Variants in ZNHIT1 observed in about 807,000 individuals in gnomAD.
The protein encoded by ZNHIT1 is zinc finger HIT-type containing 1.
Under a neutral mutation model 21.4 loss-of-function variants are expected in ZNHIT1, and 20 were observed. That is an observed-to-expected ratio of 0.93 (90% CI 0.66 to 1.36). The LOEUF is 1.36. Ranked by LOEUF, ZNHIT1 falls within the 40% of genes most tolerant of loss-of-function variation. ZNHIT1 has a pLI of 0.00. For missense variants in ZNHIT1, 170 were observed against 213.5 expected (o/e 0.80, Z 1.27); for synonymous variants, 79 against 84.0 (o/e 0.94, Z 0.32).
chr7:101,222,468 C>A, intron 1 of ZNHIT1, 136 bp from the exon 2 acceptor site: 2 of 1,067,068 alleles, frequency 1.9e-6, no homozygotes, highest in Admixed American at 2.5e-5. Context: ...GACAAGGGGA[C>A]CAAGGGCTTG....
chr7:101,223,875 C>G, intron 4 of ZNHIT1, 33 bp downstream of exon 4: 1 of 1,614,098 alleles, frequency 6.2e-7, no homozygotes, highest in Non-Finnish European at 8.5e-7. Flanking sequence ...ACTCCCACTC[C>G]CTCCTTCCCA....
At chr7:101,222,905 C>T in intron 2 of ZNHIT1, 131 bp downstream of exon 2, 8 of 1,153,144 alleles carry the variant, frequency 6.9e-6, no homozygotes, top group Non-Finnish European at 8.5e-6. Flanking sequence ...TGGCTGTGAG[C>T]AACCACACCC....
chr7:101,224,086 A>C lies in ZNHIT1; in HGVS notation c.*128A>C. On this transcript the variant is annotated 3_prime_UTR_variant, in exon 5 of 5. Coordinates refer to ENST00000305105, the MANE Select transcript of ZNHIT1 (RefSeq NM_006349.3). The stretch of plus-strand genomic sequence containing the variant: ...GAGGAGCCGCTCATTCACCCAACAA[A>C]ACTGTGTCTTATCTGCCAGGAAAGA... 1 of 1,421,246 alleles carries C rather than the reference A, an allele frequency of 7.0e-7. No homozygotes were observed. The highest frequency in any genetic ancestry group is 9.8e-7 in the Non-Finnish European group (1 of 1,025,270). 88.0% of individuals were successfully genotyped at this position (1,421,246 alleles called of 1,614,324 possible).
At chr7:101,222,141 A>T (rs1168130133) in intron 1 of ZNHIT1, 1 of 158,002 alleles carries the variant, frequency 6.3e-6, no homozygotes, top group African/African-American at 2.4e-5. Context: ...GCTCCAGGGC[A>T]GGGGTGTGCC....
rs1347267815 is a variant in ZNHIT1 at position 101,223,828 on chromosome 7, C to A, written c.429C>A (p.Thr143=). The change falls in exon 4 of 5, where the codon ACC becomes ACA. Residue 143 remains threonine, a synonymous_variant. Coordinates refer to ENST00000305105, the MANE Select transcript of ZNHIT1 (RefSeq NM_006349.3). ...ARYCTVRCLG[T]HQETRCLKWT... Reference sequence around the variant, plus strand: ...ACTGCACTGTGCGCTGTCTGGGGACCCACCAGGAGACCAGGTGAGCATGAG... The same window carrying A: ...ACTGCACTGTGCGCTGTCTGGGGACACACCAGGAGACCAGGTGAGCATGAG... 5.6e-6 allele frequency: 9 copies of A among 1,613,976 alleles called. No homozygotes were observed. Among genetic ancestry groups the A allele is most frequent in the Middle Eastern group, 1.6e-4 (1 of 6,084 alleles).
rs779158883 is a variant in ZNHIT1 at position 101,222,725 on chromosome 7, C to T, written c.144C>T (p.Leu48=). 35 of 1,614,080 alleles carry T rather than the reference C, an allele frequency of 2.2e-5. No homozygotes were observed. Among genetic ancestry groups the T allele is most frequent in the Non-Finnish European group, 2.8e-5 (33 of 1,180,020 alleles). ...TCCAGGATGACCCCCACGCGGGACT[C>T]CCTCAGCTCGGCAAGAGACTGCCTC... is the stretch of plus-strand genomic sequence containing the variant. The part of the protein sequence containing the change: ...DNFQDDPHAG[L]PQLGKRLPQF... The change falls in exon 2 of 5, where the codon CTC becomes CTT. Residue 48 remains leucine (L), a synonymous_variant. Coordinates refer to ENST00000305105, the MANE Select transcript of ZNHIT1 (RefSeq NM_006349.3).
intron 1 of ZNHIT1, 90 bp from the exon 2 acceptor site, chr7:101,222,513 AC>A: frequency 1.4e-6 from 2 of 1,454,032 alleles, no homozygotes; most frequent in Non-Finnish European, 9.3e-7. Context: ...TGCAGCTTCC[AC>A]CCCGGGTGCC....
rs368906455 is a variant in ZNHIT1 at position 101,222,781 on chromosome 7, C to T, written c.193+7C>T. On this transcript the variant is annotated splice_region_variant and intron_variant, in intron 2 of 4. Transcript: ENST00000305105. ...GATGACGATGCGGACACTGGTGAGG[C>T]GGATGGAGGAGGAAGCGGGGGATGG... The T allele has an allele frequency of 2.4e-5, 38 of 1,611,588 alleles. No homozygotes were observed. The Admixed American group carries it at 2.5e-4, about 11-fold the overall frequency.
chr7:101,223,458 G>C lies in ZNHIT1; in HGVS notation c.194-19G>C, dbSNP rs1798404313. 1.2e-6 allele frequency: 2 copies of C among 1,613,804 alleles called. No individual in the cohort carries two copies. The highest frequency in any genetic ancestry group is 8.5e-7 in the Non-Finnish European group (1 of 1,179,848). On this transcript the variant is annotated intron_variant, in intron 2 of 4. Transcript: ENST00000305105. ...CTTTCTGGGCAAGTGCCAAGCAACG[G>C]ATCACCCTTGACCCCTAGGAAAGAA...
chr7:101,218,329 A>G, intron 1 of ZNHIT1, 112 bp downstream of exon 1: 2 of 1,216,928 alleles, frequency 1.6e-6, no homozygotes, highest in East Asian at 4.8e-5. Context: ...GCTGGAGTGC[A>G]GTGGCATAGT....
intron 1 of ZNHIT1, chr7:101,219,945 C>T (rs1490232172): frequency 1.3e-5 from 2 of 152,146 alleles, no homozygotes; most frequent in Non-Finnish European, 2.9e-5. Flanking sequence ...CGTATCCTAG[C>T]CTACTCCATG....
At position 101,222,630 on chromosome 7, in the gene ZNHIT1, C is replaced by T; in HGVS notation, c.49C>T (p.Arg17Trp). Residue 17 changes from arginine to tryptophan, a missense_variant, in exon 2 of 5, where the codon CGG becomes TGG. Arg to Trp is a moderately radical substitution (Grantham distance 101, BLOSUM62 -3). Coordinates refer to ENST00000305105, the MANE Select transcript of ZNHIT1 (RefSeq NM_006349.3). ...TCGCTCCCAGGACCCCGGGCAGCGG[C>T]GGGTGCTGGACCGGGCTGCCCGGCA... ...SVRSQDPGQR[R>W]VLDRAARQRR... 11 of 1,611,934 alleles carry T rather than the reference C, an allele frequency of 6.8e-6. No homozygotes were observed. The highest frequency in any genetic ancestry group is 4.4e-5 in the South Asian group (4 of 90,998).
In ZNHIT1 at chr7:101,224,001, G is replaced by A. The variant is rs759426774; in HGVS notation, c.*43G>A. The A allele has an allele frequency of 6.8e-6, 11 of 1,613,916 alleles. No individual in the cohort carries two copies. In the Admixed American group the frequency reaches 1.3e-4, roughly 20 times the overall value. The stretch of plus-strand genomic sequence containing the variant: ...GAGGAAGGGCCGCTGTGCACTGCCC[G>A]GCCTTCAGAAAGACAGAATTTCATC... On this transcript the variant is annotated 3_prime_UTR_variant, in exon 5 of 5. Transcript: ENST00000305105.
intron 1 of ZNHIT1, 26 bp downstream of exon 1, chr7:101,218,243 C>G (rs747379078): frequency 1.2e-6 from 2 of 1,606,940 alleles, no homozygotes; most frequent in South Asian, 1.1e-5. Flanking sequence ...CGGTTCGCCC[C>G]CTTCCCCTTC....
intron 1 of ZNHIT1, chr7:101,222,352 G>T: frequency 2.1e-6 from 1 of 483,186 alleles, no homozygotes; most frequent in South Asian, 3.7e-5. Flanking sequence ...GGGCTCACTG[G>T]CTGGGACTGG....
chr7:101,222,273 GC>G, intron 1 of ZNHIT1: 1 of 309,978 alleles, frequency 3.2e-6, no homozygotes, highest in Non-Finnish European at 6.0e-6. Flanking sequence ...TGTATTGAGG[GC>G]CCAGGACAGC....
At position 101,218,207 on chromosome 7, in the gene ZNHIT1, G is replaced by A. The variant is rs200119534; in HGVS notation, c.12G>A (p.Lys4=). Residue 4 remains lysine (K), a synonymous_variant, in exon 1 of 5, where the codon AAG becomes AAA. Coordinates refer to ENST00000305105, the MANE Select transcript of ZNHIT1 (RefSeq NM_006349.3). MVE[K]KTSVRSQDPG... Reference sequence around the variant, plus strand: ...GTTGTGTTGTGCCAATGGTGGAGAAGAAAACTTCGGGTATGTGAGCCCCCG... The same window carrying A: ...GTTGTGTTGTGCCAATGGTGGAGAAAAAAACTTCGGGTATGTGAGCCCCCG... 8 of 1,613,322 alleles carry A rather than the reference G, an allele frequency of 5.0e-6. No individual in the cohort carries two copies. The East Asian group carries it at 1.6e-4, about 31-fold the overall frequency.
intron 1 of ZNHIT1, 56 bp from the exon 2 acceptor site, chr7:101,222,548 G>A (rs529435343): frequency 2.6e-4 from 407 of 1,564,578 alleles, no homozygotes; most frequent in Admixed American, 7.9e-4. Flanking sequence ...CCAGAGCGGC[G>A]GCCACACTGC....
At chr7:101,218,742 C>G (rs539000832) in intron 1 of ZNHIT1, 1 of 157,426 alleles carries the variant, frequency 6.4e-6, no homozygotes, top group Non-Finnish European at 1.4e-5. Context: ...AAACGCAGAC[C>G]TAACACTGTA....
Sources: gnomAD v4.1 joint callset for allele counts on GRCh38, gnomAD v4.1.1 for gene constraint, MANE v1.5 for transcripts, NCBI Gene and HGNC (gene_info 2026-07-23, HGNC 2026-07-21) for gene names.